CNTNAP2: variants seen among roughly 807,000 people sequenced by gnomAD.
CNTNAP2 encodes contactin-associated protein-like 2.
A neutral mutation model predicts 155.2 loss-of-function variants in CNTNAP2; 98 were observed. That is an observed-to-expected ratio of 0.63 (90% CI 0.54 to 0.75). The LOEUF is 0.75. Among genes scored for constraint, CNTNAP2 ranks in the 30% least tolerant of loss-of-function variants. The pLI is 0.00. For synonymous variants in CNTNAP2, 651 were observed against 631.2 expected, an observed-to-expected ratio of 1.03 and a Z score of -0.47; for missense variants, 1,727 against 1,688.1, an observed-to-expected ratio of 1.02 and a Z score of -0.40.
In CNTNAP2 at chr7:147,870,826, G is replaced by T. The variant is rs17170708; in HGVS notation, c.2099-32739G>T. 9.2e-3 allele frequency among the ~76,000 whole-genome samples: 1,397 copies of T among 152,186 alleles called. 25 individuals are homozygous for T. The highest frequency in any genetic ancestry group is 0.032 in the African/African-American group (1,320 of 41,518). ...CTTGTGGCATCTGTTGTGACCCTAGGAGAGACATTGTGGATGGCGAGGGGA... is the reference window on the plus strand; with the variant it reads ...CTTGTGGCATCTGTTGTGACCCTAGTAGAGACATTGTGGATGGCGAGGGGA... On this transcript the variant is annotated intron_variant, in intron 13 of 23. Coordinates refer to ENST00000361727, the MANE Select transcript of CNTNAP2 (RefSeq NM_014141.6).
At chr7:146,287,415 C>T (rs935806562) in intron 1 of CNTNAP2, among the ~76,000 whole-genome samples, 17 of 152,146 alleles carry the variant, frequency 1.1e-4, no homozygotes, top group African/African-American at 3.6e-4. Context: ...GCCTTCTGAA[C>T]GTAACAGGTT....
intron 13 of CNTNAP2, among the ~76,000 whole-genome samples, chr7:147,730,214 G>T (rs1050046332): frequency 6.6e-6 from 1 of 152,062 alleles, no homozygotes; most frequent in Non-Finnish European, 1.5e-5. Flanking sequence ...AACAATTACG[G>T]TCCTTTCAGA....
intron 15 of CNTNAP2, among the ~76,000 whole-genome samples, chr7:148,043,453 G>A (rs187162615): frequency 1.3e-5 from 2 of 152,244 alleles, no homozygotes; most frequent in African/African-American, 4.8e-5. Context: ...TACAGCACTG[G>A]CTTTCACCTG....
intron 3 of CNTNAP2, among the ~76,000 whole-genome samples, chr7:146,941,966 T>C (rs1188435895): frequency 4.6e-5 from 7 of 152,078 alleles, no homozygotes; most frequent in Admixed American, 4.6e-4. Context: ...TAATATGTCT[T>C]GGGGTATTCT....
chr7:147,914,645 C>T (rs563591664), intron 14 of CNTNAP2, among the ~76,000 whole-genome samples: 7 of 152,212 alleles, frequency 4.6e-5, no homozygotes, highest in South Asian at 4.2e-4. Context: ...ACTGCAACCT[C>T]GACCTCCCCA....
At chr7:148,341,587 C>T (rs1393767073) in intron 21 of CNTNAP2, among the ~76,000 whole-genome samples, 2 of 152,310 alleles carry the variant, frequency 1.3e-5, no homozygotes, top group Non-Finnish European at 2.9e-5. Flanking sequence ...CCCAATGTCA[C>T]TCACCTTCTA....
intron 1 of CNTNAP2, among the ~76,000 whole-genome samples, chr7:146,124,312 A>G (rs1797604955): frequency 1.3e-5 from 2 of 152,160 alleles, no homozygotes; most frequent in African/African-American, 4.8e-5. Context: ...TTGAACTAAC[A>G]GAAAACACAT....
At chr7:146,245,313 G>A (rs1433643590) in intron 1 of CNTNAP2, among the ~76,000 whole-genome samples, 1 of 152,172 alleles carries the variant, frequency 6.6e-6, no homozygotes, top group East Asian at 1.9e-4. Flanking sequence ...ACTTAACAAA[G>A]AGTGAGTACA....
At chr7:147,889,095 T>G (rs1799644614) in intron 13 of CNTNAP2, among the ~76,000 whole-genome samples, 1 of 152,106 alleles carries the variant, frequency 6.6e-6, no homozygotes, top group African/African-American at 2.4e-5. Flanking sequence ...ACTGTTAAGT[T>G]AAATATGAAA....
intron 12 of CNTNAP2, among the ~76,000 whole-genome samples, chr7:147,604,410 T>C (rs116593586): frequency 0.011 from 1,655 of 152,338 alleles, 35 homozygotes; most frequent in African/African-American, 0.036. Flanking sequence ...GTTACTCTTA[T>C]TCATGATCAC....
At position 148,069,745 on chromosome 7, in the gene CNTNAP2, C is replaced by A. The variant is rs1293688101; in HGVS notation, c.2384-48373C>A. Among the ~76,000 whole-genome samples the A allele has an allele frequency of 1.4e-4, 16 of 116,496 alleles. No individual in the cohort carries two copies. In the South Asian group the frequency reaches 2.7e-3, roughly 20 times the overall value. The allele number at this position is 116,496 out of a possible 152,430, so 76.4% of individuals were successfully genotyped here. On this transcript the variant is annotated intron_variant, in intron 15 of 23. Transcript: ENST00000361727. ...ACTGCACTCCAGCCTGGGTGACAGA[C>A]AAAGACTCCGTCTCAAAAAAAAAAA...
chr7:146,742,558 G>T (rs2129181185), intron 1 of CNTNAP2, among the ~76,000 whole-genome samples: 1 of 152,284 alleles, frequency 6.6e-6, no homozygotes, highest in South Asian at 2.1e-4. Context: ...GCATGGGGTT[G>T]TCCTTAGAAC....
chr7:146,157,750 G>T (rs1798150522), intron 1 of CNTNAP2, among the ~76,000 whole-genome samples: 1 of 152,166 alleles, frequency 6.6e-6, no homozygotes, highest in Admixed American at 6.5e-5. Flanking sequence ...CTTGAACTGG[G>T]TGGAGCCCAC....
At chr7:146,142,976 T>G (rs1404158000) in intron 1 of CNTNAP2, among the ~76,000 whole-genome samples, 1 of 152,222 alleles carries the variant, frequency 6.6e-6, no homozygotes, top group African/African-American at 2.4e-5. Context: ...TCTTAAGAAC[T>G]CTGCCTTTTT....
chr7:147,195,666 T>C (rs1427717144), intron 8 of CNTNAP2, among the ~76,000 whole-genome samples: 1 of 152,198 alleles, frequency 6.6e-6, no homozygotes, highest in Non-Finnish European at 1.5e-5. Flanking sequence ...AGGTATTTTA[T>C]TCTCTTTGTA....
At chr7:148,369,232 T>C (rs1798843991) in intron 21 of CNTNAP2, among the ~76,000 whole-genome samples, 1 of 125,728 alleles carries the variant, frequency 8.0e-6, no homozygotes, top group African/African-American at 3.0e-5. Context: ...ACAGAGTGCC[T>C]CTATTGCCCA....
Position 148,016,358 on chromosome 7 carries a change from G to T in CNTNAP2, c.2383+38369G>T, listed in dbSNP as rs964234715. Among the ~76,000 whole-genome samples the T allele has an allele frequency of 2.6e-5, 4 of 152,152 alleles. No individual in the cohort carries two copies. In the East Asian group the frequency reaches 7.7e-4, roughly 29 times the overall value. ...TAACTATTCTGATAGCTTTGATATG[G>T]CCTTCCCACATGTGCCTTCTCCTAC... is the stretch of plus-strand genomic sequence containing the variant. On this transcript the variant is annotated intron_variant, in intron 15 of 23. Coordinates refer to ENST00000361727, the MANE Select transcript of CNTNAP2 (RefSeq NM_014141.6).
At chr7:146,463,841 A>C (rs1418502325) in intron 1 of CNTNAP2, among the ~76,000 whole-genome samples, 2 of 152,120 alleles carry the variant, frequency 1.3e-5, no homozygotes, top group African/African-American at 2.4e-5. Flanking sequence ...GTTTGTAAAA[A>C]ACAATAAAAT....
intron 2 of CNTNAP2, among the ~76,000 whole-genome samples, chr7:146,822,614 G>A (rs941758587): frequency 2.0e-5 from 3 of 149,548 alleles, no homozygotes; most frequent in African/African-American, 4.9e-5. Flanking sequence ...GATGGTTAAC[G>A]AAAGAGTGAA....
Sources: allele counts gnomAD v4.1 joint callset (sites outside exome capture counted in the v4.1 genomes callset), GRCh38; gene constraint gnomAD v4.1.1; transcripts MANE v1.5; gene names NCBI Gene and HGNC (gene_info 2026-07-23, HGNC 2026-07-21).